The following GTF2F1 variants were observed in gnomAD, a reference collection of about 807,000 sequenced individuals.
GTF2F1 encodes general transcription factor IIF 74 kDa subunit.
A neutral mutation model predicts 63.5 loss-of-function variants in GTF2F1; 39 were observed. The observed-to-expected ratio is 0.61, with a 90% CI of 0.48 to 0.80. The LOEUF (loss-of-function observed/expected upper bound fraction) is 0.80. GTF2F1 is among the 30% of genes least tolerant of loss of function. GTF2F1 has a pLI of 0.00. For synonymous variants in GTF2F1, 287 were observed against 285.3 expected (o/e 1.01, Z -0.06); for missense variants, 657 against 718.3 (o/e 0.91, Z 0.97).
rs2091987542 is a variant in GTF2F1 at position 6,389,458 on chromosome 19, GC to G, written c.311del (p.Gly104AlafsTer15). 6.2e-7 allele frequency: 1 copy of G among 1,613,736 alleles called. No individual in the cohort carries two copies. The highest frequency in any genetic ancestry group is 8.5e-7 in the Non-Finnish European group (1 of 1,179,748). ...CCACCACTTACTTCCTGCCTGATTT[GC>G]CGTTGACCCGGAGCAGCCAGGGCTG... The part of the protein sequence containing the change: ...EDQPWLLRVN[G>X]KSGRKFKGIK... On this transcript the variant is annotated frameshift_variant, in exon 4 of 13. Transcript: ENST00000394456. LOFTEE classifies it high-confidence loss of function.
chr19:6,381,309 G>T lies in GTF2F1; in HGVS notation c.1018+50C>A. ...AGGGGAGAGGGGAGGAGGTGGCAGG[G>T]CGCCAGGGCCCGACCCAAGCCTCCA... On this transcript the variant is annotated intron_variant, in intron 9 of 12. Coordinates refer to ENST00000394456, the MANE Select transcript of GTF2F1 (RefSeq NM_002096.3). The surrounding 1 kb of genome is among the most constrained non-coding windows in gnomAD (Gnocchi z 4.1). 6.5e-7 allele frequency: 1 copy of T among 1,542,888 alleles called. No individual in the cohort carries two copies.
In GTF2F1 at chr19:6,380,251, G is replaced by C. The variant is rs1000029043; in HGVS notation, c.*30C>G. On this transcript the variant is annotated 3_prime_UTR_variant, in exon 13 of 13. Coordinates refer to ENST00000394456, the MANE Select transcript of GTF2F1 (RefSeq NM_002096.3). The surrounding 1 kb of genome is among the most constrained non-coding windows in gnomAD (Gnocchi z 5.3). ...AGGGGCAGTGAGAGCCTTAAGTTCT[G>C]GGGGGCAGAGCCATGTATTGGACCA... 2.2e-5 allele frequency: 35 copies of C among 1,575,086 alleles called. No homozygotes were observed. Among genetic ancestry groups the C allele is most frequent in the Non-Finnish European group, 2.9e-5 (33 of 1,144,590 alleles).
rs1189568854 is a variant in GTF2F1 at position 6,381,222 on chromosome 19, G to GGT, written c.1019-28_1019-27insAC. 27 of 1,594,152 alleles carry GGT rather than the reference G, an allele frequency of 1.7e-5. No individual in the cohort carries two copies. The highest frequency in any genetic ancestry group is 2.2e-5 in the Non-Finnish European group (26 of 1,171,182). ...TGCGGGGCACAGGAAAGGGGTCAGG[G>GGT]CCAGAGCAACCCCGGGACCCGGTGC... is the stretch of plus-strand genomic sequence containing the variant. On this transcript the variant is annotated intron_variant, in intron 9 of 12. Coordinates refer to ENST00000394456, the MANE Select transcript of GTF2F1 (RefSeq NM_002096.3). The surrounding 1 kb of genome is among the most constrained non-coding windows in gnomAD (Gnocchi z 4.1).
chr19:6,381,222 G>A lies in GTF2F1; in HGVS notation c.1019-27C>T. 1 of 1,594,150 alleles carries A rather than the reference G, an allele frequency of 6.3e-7. No individual in the cohort carries two copies. Among genetic ancestry groups the A allele is most frequent in the South Asian group, 1.1e-5 (1 of 88,634 alleles). Reference sequence around the variant, plus strand: ...TGCGGGGCACAGGAAAGGGGTCAGGGCCAGAGCAACCCCGGGACCCGGTGC... The same window carrying A: ...TGCGGGGCACAGGAAAGGGGTCAGGACCAGAGCAACCCCGGGACCCGGTGC... On this transcript the variant is annotated intron_variant, in intron 9 of 12. Coordinates refer to ENST00000394456, the MANE Select transcript of GTF2F1 (RefSeq NM_002096.3). This position sits in a 1 kb window ranked among gnomAD's most constrained non-coding sequence, Gnocchi z 4.1.
At position 6,383,527 on chromosome 19, in the gene GTF2F1, G is replaced by C; in HGVS notation, c.498-32C>G. Reference sequence around the variant, plus strand: ...GCCAGGCACAGGGGGGCTCATGCCGGGCCTGGCACCACCCTGCATCTGTGC... The same window carrying C: ...GCCAGGCACAGGGGGGCTCATGCCGCGCCTGGCACCACCCTGCATCTGTGC... On this transcript the variant is annotated intron_variant, in intron 5 of 12. Coordinates refer to ENST00000394456, the MANE Select transcript of GTF2F1 (RefSeq NM_002096.3). This position sits in a 1 kb window ranked among gnomAD's most constrained non-coding sequence, Gnocchi z 4.5. 6.2e-7 allele frequency: 1 copy of C among 1,603,058 alleles called. No homozygotes were observed. Among genetic ancestry groups the C allele is most frequent in the Non-Finnish European group, 8.5e-7 (1 of 1,174,170 alleles).
At chr19:6,386,399 C>CACAA (rs151007044) in intron 5 of GTF2F1, among the ~76,000 whole-genome samples, 4 of 151,612 alleles carry the variant, frequency 2.6e-5, no homozygotes, top group East Asian at 2.0e-4. Flanking sequence ...AAAAAAAACA[C>CACAA]ACAAACAAAC....
Position 6,379,926 on chromosome 19 carries a change from T to C in GTF2F1, c.*355A>G. ...GGCTATGTGGTGGATAAGTCACAGC[T>C]GAAGAGAGACTTAGGGAAGTGGAAG... On this transcript the variant is annotated 3_prime_UTR_variant, in exon 13 of 13. Transcript: ENST00000394456. 1 of 344,628 alleles carries C rather than the reference T, an allele frequency of 2.9e-6. No homozygotes were observed. The highest frequency in any genetic ancestry group is 5.6e-6 in the Non-Finnish European group (1 of 179,828). The allele number at this position is 344,628 out of a possible 1,614,324, so 21.3% of individuals were successfully genotyped here.
At position 6,387,618 on chromosome 19, in the gene GTF2F1, C is replaced by T. The variant is rs1037622238; in HGVS notation, c.327-59G>A. The T allele has an allele frequency of 2.4e-5, 33 of 1,375,166 alleles. No homozygotes were observed. In the Admixed American group the frequency reaches 5.8e-4, roughly 24 times the overall value. 85.2% of individuals were successfully genotyped at this position (1,375,166 alleles called of 1,614,324 possible). A position where few individuals can be genotyped will look rare whatever the true frequency, so the allele number is the denominator to read the frequency against. On this transcript the variant is annotated intron_variant, in intron 4 of 12. Coordinates refer to ENST00000394456, the MANE Select transcript of GTF2F1 (RefSeq NM_002096.3). The stretch of plus-strand genomic sequence containing the variant: ...GGGACCAGCCCCAGCCCCCCCGTGT[C>T]CCCCCGGGGCCTGCCTCCTTTATGG...
At chr19:6,384,101 A>C (rs1055371500) in intron 5 of GTF2F1, among the ~76,000 whole-genome samples, 1 of 149,914 alleles carries the variant, frequency 6.7e-6, no homozygotes, top group Non-Finnish European at 1.5e-5. Flanking sequence ...GTGCCCAGCC[A>C]GATCTTTTGT....
intron 1 of GTF2F1, 28 bp from the exon 2 acceptor site, chr19:6,392,931 GGGTCGCCGA>G (rs752229484): frequency 6.2e-7 from 1 of 1,614,024 alleles, no homozygotes; most frequent in Non-Finnish European, 8.5e-7. Flanking sequence ...GGTGAGTGAG[GGGTCGCCGA>G]GGTCGCCGTC....
chr19:6,391,865 C>A, intron 3 of GTF2F1, 37 bp downstream of exon 3: 1 of 1,190,428 alleles, frequency 8.4e-7, no homozygotes, highest in South Asian at 1.3e-5. Flanking sequence ...GTTCTCTCAC[C>A]ACCCCAGCCC....
At position 6,381,655 on chromosome 19, in the gene GTF2F1, G is replaced by A. The variant is rs765262160; in HGVS notation, c.837-40C>T. 6 of 1,614,030 alleles carry A rather than the reference G, an allele frequency of 3.7e-6. No individual in the cohort carries two copies. The Admixed American group carries it at 5.0e-5, about 13-fold the overall frequency. ...TGGCAAAGGATGAGCGCGCGCTCGC[G>A]AGGCTGCATGGGGTCTCGCAGGCGC... is the stretch of plus-strand genomic sequence containing the variant. On this transcript the variant is annotated intron_variant, in intron 7 of 12. Transcript: ENST00000394456. The surrounding 1 kb of genome is among the most constrained non-coding windows in gnomAD (Gnocchi z 4.1).
Position 6,392,037 on chromosome 19 carries a change from G to A in GTF2F1, c.60-63C>T, listed in dbSNP as rs1052631131. ...AGCAATTCAATCATTAATTTAATCA[G>A]TCAATGCTATTGAACCATTAATTCA... On this transcript the variant is annotated intron_variant, in intron 2 of 12. Transcript: ENST00000394456. The A allele has an allele frequency of 9.6e-6, 8 of 836,416 alleles. No homozygotes were observed. The East Asian group carries it at 1.8e-4, about 19-fold the overall frequency. The allele number at this position is 836,416 out of a possible 1,614,324, so 51.8% of individuals were successfully genotyped here. A position where few individuals can be genotyped will look rare whatever the true frequency, so the allele number is the denominator to read the frequency against.
Position 6,390,857 on chromosome 19 carries a change from A to G in GTF2F1, c.132+1045T>C, listed in dbSNP as rs112276290. 5.2e-3 allele frequency among the ~76,000 whole-genome samples: 787 copies of G among 152,182 alleles called. 5 individuals carry two copies. The highest frequency in any genetic ancestry group is 0.018 in the African/African-American group (745 of 41,524). ...GTCGCGCCACTGCACTCCAGCCTGG[A>G]TGACAAGAGACTCCATCACAAAAAA... On this transcript the variant is annotated intron_variant, in intron 3 of 12. Transcript: ENST00000394456.
Position 6,380,610 on chromosome 19 carries a change from G to A in GTF2F1, c.1312C>T (p.Pro438Ser), listed in dbSNP as rs372264706. The change falls in exon 12 of 13, where the codon CCC (proline) becomes TCC (serine). Residue 438 changes from proline to serine, a missense_variant. Pro to Ser is a moderately conservative substitution (Grantham distance 74, BLOSUM62 -1). Transcript: ENST00000394456. This position sits in a 1 kb window ranked among gnomAD's most constrained non-coding sequence, Gnocchi z 5.3. ...GPQSLSGKST[P>S]QPPSGKTTPN... Reference sequence around the variant, plus strand: ...GTTGTCTTGCCTGATGGTGGCTGGGGTGTCGACTTCCCAGACAGGCTCTGG... The same window carrying A: ...GTTGTCTTGCCTGATGGTGGCTGGGATGTCGACTTCCCAGACAGGCTCTGG... 6.2e-7 allele frequency: 1 copy of A among 1,614,012 alleles called. No individual in the cohort carries two copies. The highest frequency in any genetic ancestry group is 1.3e-5 in the African/African-American group (1 of 75,038).
chr19:6,383,159 C>G lies in GTF2F1; in HGVS notation c.682+152G>C, dbSNP rs2091960191. 5 of 776,962 alleles carry G rather than the reference C, an allele frequency of 6.4e-6. No homozygotes were observed. Among genetic ancestry groups the G allele is most frequent in the East Asian group, 2.6e-5 (1 of 37,778 alleles). 48.1% of individuals were successfully genotyped at this position (776,962 alleles called of 1,614,324 possible). On this transcript the variant is annotated intron_variant, in intron 6 of 12. Transcript: ENST00000394456. This position sits in a 1 kb window ranked among gnomAD's most constrained non-coding sequence, Gnocchi z 4.5. Reference sequence around the variant, plus strand: ...TCAGGTGATCTGCCTGCCTCAGCCTCTCAAAGTGCTGGGATGACAGGCGTG... The same window carrying G: ...TCAGGTGATCTGCCTGCCTCAGCCTGTCAAAGTGCTGGGATGACAGGCGTG...
rs1404739129 is a variant in GTF2F1 at position 6,381,952 on chromosome 19, G to A, written c.683-102C>T. ...TTGTGCAGTTTTGACATCCTGGGGG[G>A]CCTCACTGACTGGGGAGACTACACC... On this transcript the variant is annotated intron_variant, in intron 6 of 12. Coordinates refer to ENST00000394456, the MANE Select transcript of GTF2F1 (RefSeq NM_002096.3). The surrounding 1 kb of genome is among the most constrained non-coding windows in gnomAD (Gnocchi z 4.1). The A allele has an allele frequency of 1.0e-6, 1 of 982,478 alleles. No homozygotes were observed. Among genetic ancestry groups the A allele is most frequent in the Non-Finnish European group, 1.5e-6 (1 of 663,082 alleles). The allele number at this position is 982,478 out of a possible 1,614,324, so 60.9% of individuals were successfully genotyped here.
chr19:6,383,656 G>C lies in GTF2F1; in HGVS notation c.498-161C>G, dbSNP rs1474589880. On this transcript the variant is annotated intron_variant, in intron 5 of 12. Coordinates refer to ENST00000394456, the MANE Select transcript of GTF2F1 (RefSeq NM_002096.3). The surrounding 1 kb of genome is among the most constrained non-coding windows in gnomAD (Gnocchi z 4.5). ...AGGACTCCCTGAAACCACACGGATA[G>C]AGCCAGCCCTTCCTGCCTTCCCGTT... Among the ~76,000 whole-genome samples, 1 of 152,204 alleles carries C rather than the reference G, an allele frequency of 6.6e-6. No homozygotes were observed. Among genetic ancestry groups the C allele is most frequent in the Non-Finnish European group, 1.5e-5 (1 of 68,034 alleles).
At chr19:6,387,328 T>C (rs947962740) in intron 5 of GTF2F1, 61 bp downstream of exon 5, 1 of 1,509,666 alleles carries the variant, frequency 6.6e-7, no homozygotes, top group Non-Finnish European at 9.1e-7. Context: ...TGGTGATATA[T>C]CCATGGCAAG....
Sources: gnomAD v4.1 joint callset for allele counts (sites outside exome capture counted in the v4.1 genomes callset) on GRCh38, gnomAD v4.1.1 for gene constraint, Gnocchi (gnomAD v3.1) non-coding constraint, MANE v1.5 for transcripts, NCBI Gene and HGNC (gene_info 2026-07-23, HGNC 2026-07-21) for gene names.